CCKBR: variants seen among roughly 807,000 people sequenced by gnomAD.
CCKBR encodes the protein cholecystokinin B receptor.
CCKBR carries 33 observed loss-of-function variants against 34.6 expected under a neutral mutation model. That is an observed-to-expected ratio of 0.95 (90% CI 0.72 to 1.27). CCKBR has a LOEUF of 1.27. Among genes scored for constraint, CCKBR ranks in the 50% most tolerant of loss-of-function variants. The pLI is 0.00. For synonymous variants in CCKBR, 269 were observed against 267.5 expected (o/e 1.01, Z -0.06); for missense variants, 652 against 617.4 (o/e 1.06, Z -0.59).
At chr11:6,261,811 G>T (rs1229405932) in intron 1 of CCKBR, among the ~76,000 whole-genome samples, 1 of 152,118 alleles carries the variant, frequency 6.6e-6, no homozygotes, top group African/African-American at 2.4e-5. Context: ...AGAACGGATT[G>T]GAAGACATAA....
chr11:6,270,011 G>C (rs574726739), intron 2 of CCKBR, 77 bp from the exon 3 acceptor site: 1 of 1,590,088 alleles, frequency 6.3e-7, no homozygotes, highest in East Asian at 2.2e-5. Flanking sequence ...GGCAGGGAGG[G>C]GTGTGAGGAA....
Position 6,264,498 on chromosome 11 carries a change from A to G in CCKBR, c.151+4419A>G, listed in dbSNP as rs1427978101. 2.7e-5 allele frequency: 19 copies of G among 697,050 alleles called. No homozygotes were observed. The East Asian group carries it at 4.1e-4, about 15-fold the overall frequency. 43.2% of individuals were successfully genotyped at this position (697,050 alleles called of 1,614,324 possible). On this transcript the variant is annotated intron_variant, in intron 1 of 4. Transcript: ENST00000334619. ...GACAGAACAAATACAGATCTTCTAA[A>G]CACCAGGAGAAGAACTGAACTGTCC...
At chr11:6,261,867 T>C (rs1848138936) in intron 1 of CCKBR, among the ~76,000 whole-genome samples, 1 of 152,150 alleles carries the variant, frequency 6.6e-6, no homozygotes. Flanking sequence ...TATTACACTG[T>C]TCTGGGTGAA....
rs76412645 is a variant in CCKBR, at chr11:6,270,073, T to C, written c.404-15T>C. 445 of 1,595,540 alleles carry C rather than the reference T, an allele frequency of 2.8e-4. 1 individual carries two copies. The highest frequency in any genetic ancestry group is 3.6e-4 in the Non-Finnish European group (415 of 1,167,838). On this transcript the variant is annotated splice_polypyrimidine_tract_variant and intron_variant, in intron 2 of 4. Transcript: ENST00000334619. The stretch of plus-strand genomic sequence containing the variant: ...GTTTCCTAGGTGACTCCTTCCTTTC[T>C]CTTCCCTTGTTTAGGGGTGTCTGTG...
chr11:6,264,644 C>T (rs1848184308), intron 1 of CCKBR: 1 of 664,136 alleles, frequency 1.5e-6, no homozygotes, highest in Non-Finnish European at 2.7e-6. Context: ...GTGCTATCTC[C>T]CATCCTTCTA....
rs145658504 is a variant in CCKBR, at chr11:6,269,768, G to A, written c.251G>A (p.Arg84His). The A allele has an allele frequency of 5.2e-5, 84 of 1,614,022 alleles. No individual in the cohort carries two copies. The highest frequency in any genetic ancestry group is 2.0e-4 in the African/African-American group (15 of 74,896). ...LIIVVLGLSRRLRTVTNAFLL... is the reference protein window; with the variant it reads ...LIIVVLGLSRHLRTVTNAFLL... ...ATCGTGGTCCTGGGACTGAGCCGCC[G>A]CCTGAGGACTGTCACCAATGCCTTC... The change falls in exon 2 of 5, where the codon CGC (arginine) becomes CAC (histidine). Residue 84 changes from arginine to histidine, a missense_variant. By Grantham distance (29) the Arg-to-His change is conservative (BLOSUM62 0). Coordinates refer to ENST00000334619, the MANE Select transcript of CCKBR (RefSeq NM_176875.4).
At chr11:6,262,050 A>G (rs1275509346) in intron 1 of CCKBR, among the ~76,000 whole-genome samples, 1 of 152,266 alleles carries the variant, frequency 6.6e-6, no homozygotes. Flanking sequence ...TTGGTGCTAT[A>G]GCAATTGTAT....
intron 1 of CCKBR, chr11:6,264,724 TACACACAC>T: frequency 2.3e-6 from 1 of 426,582 alleles, no homozygotes; most frequent in Non-Finnish European, 4.2e-6. Context: ...CACACATCAA[TACACACAC>T]ACACACACAC....
chr11:6,262,682 AAGAAAGAGAGAGAG>A (rs1564885136), intron 1 of CCKBR, among the ~76,000 whole-genome samples: 1 of 89,976 alleles, frequency 1.1e-5, no homozygotes, highest in Non-Finnish European at 2.1e-5. Context: ...CTGGTAGGCA[AAGAAAGAGAGAGAG>A]AGAGAGAGAG....
At chr11:6,269,588 G>T in intron 1 of CCKBR, 81 bp from the exon 2 acceptor site, 1 of 1,521,420 alleles carries the variant, frequency 6.6e-7, no homozygotes, top group Non-Finnish European at 8.9e-7. Flanking sequence ...GGTAGTGAGG[G>T]TTGGGGATAA....
In CCKBR at chr11:6,260,058, A is replaced by G; in HGVS notation, c.130A>G (p.Ile44Val). 1 of 1,594,708 alleles carries G rather than the reference A, an allele frequency of 6.3e-7. No individual in the cohort carries two copies. The change falls in exon 1 of 5, where the codon ATT becomes GTT. Residue 44 changes from isoleucine to valine, a missense_variant. Ile to Val is a conservative substitution (Grantham distance 29, BLOSUM62 3). Transcript: ENST00000334619. ...CAACCTCAGCTGCGAGCCCCCTCGC[A>G]TTCGCGGAGCCGGGACACGAGGTGG... ...VGNLSCEPPRIRGAGTRELEL... is the reference protein window; with the variant it reads ...VGNLSCEPPRVRGAGTRELEL...
intron 1 of CCKBR, chr11:6,264,737 A>ACACACACACACACACACACACACG (rs6144195): frequency 2.0e-6 from 1 of 503,202 alleles, no homozygotes; most frequent in African/African-American, 2.0e-5. Context: ...ACACACACAC[A>ACACACACACACACACACACACACG]CACACACGCA....
Position 6,270,082 on chromosome 11 carries a change from G to T in CCKBR, c.404-6G>T. ...GTGACTCCTTCCTTTCTCTTCCCTT[G>T]TTTAGGGGTGTCTGTGAGTGTGTCC... is the stretch of plus-strand genomic sequence containing the variant. On this transcript the variant is annotated splice_region_variant and splice_polypyrimidine_tract_variant and intron_variant, in intron 2 of 4. Transcript: ENST00000334619. The T allele has an allele frequency of 6.2e-7, 1 of 1,600,716 alleles. No homozygotes were observed. Among genetic ancestry groups the T allele is most frequent in the Non-Finnish European group, 8.5e-7 (1 of 1,170,972 alleles).
At position 6,259,988 on chromosome 11, in the gene CCKBR, C is replaced by T. The variant is rs1848103565; in HGVS notation, c.60C>T (p.Ser20=). The change falls in exon 1 of 5, where the codon TCC becomes TCT. Residue 20 remains serine, a synonymous_variant. Coordinates refer to ENST00000334619, the MANE Select transcript of CCKBR (RefSeq NM_176875.4). ...GAACCGGACCCGGGCCGGGGGCTTC[C>T]CTGTGCCGCCCGGGGGCGCCTCTCC... ...VQGTGPGPGA[S]LCRPGAPLLN... The T allele has an allele frequency of 6.3e-7, 1 of 1,579,672 alleles. No individual in the cohort carries two copies. Among genetic ancestry groups the T allele is most frequent in the African/African-American group, 1.4e-5 (1 of 72,222 alleles).
intron 1 of CCKBR, among the ~76,000 whole-genome samples, chr11:6,266,715 A>G (rs190736766): frequency 2.6e-5 from 4 of 152,284 alleles, no homozygotes; most frequent in African/African-American, 9.6e-5. Context: ...GATGCCTACA[A>G]TTTCTAAATA....
In CCKBR at chr11:6,271,323, T is replaced by C; in HGVS notation, c.1124T>C (p.Ile375Thr). 6.2e-7 allele frequency: 1 copy of C among 1,614,216 alleles called. No individual in the cohort carries two copies. Among genetic ancestry groups the C allele is most frequent in the Non-Finnish European group, 8.5e-7 (1 of 1,180,026 alleles). The change falls in exon 5 of 5, where the codon ATT becomes ACT. Residue 375 changes from isoleucine to threonine, a missense_variant. By Grantham distance (89) the Ile-to-Thr change is moderately conservative. Transcript: ENST00000334619. ...RALSGAPISFIHLLSYASACV... is the reference protein window; with the variant it reads ...RALSGAPISFTHLLSYASACV... ...CTCTCGGGTGCTCCTATCTCCTTCA[T>C]TCACTTGCTGAGCTACGCCTCGGCC...
In CCKBR at chr11:6,270,641, T is replaced by G. The variant is rs778094185; in HGVS notation, c.654-5T>G. The stretch of plus-strand genomic sequence containing the variant: ...ACCCGAGTGATCTGTCTGTGTTGCC[T>G]TCAGGTCCGTACTGCTGCTTCTGCT... On this transcript the variant is annotated splice_region_variant and splice_polypyrimidine_tract_variant and intron_variant, in intron 3 of 4. Transcript: ENST00000334619. The G allele has an allele frequency of 2.5e-6, 4 of 1,596,968 alleles. No homozygotes were observed. The highest frequency in any genetic ancestry group is 2.6e-6 in the Non-Finnish European group (3 of 1,168,130).
chr11:6,270,788 C>A lies in CCKBR; in HGVS notation c.796C>A (p.Gln266Lys). ...CGACAGCCAAAGCAGGGTCCGAAAC[C>A]AAGGCGGGCTGCCAGGTGGGGCTGG... ...DSDSQSRVRN[Q>K]GGLPGAVHQN... Residue 266 changes from glutamine (Q) to lysine (K), a missense_variant, in exon 4 of 5, where the codon CAA (glutamine) becomes AAA (lysine). Gln to Lys is a moderately conservative substitution (Grantham distance 53). Transcript: ENST00000334619. The A allele has an allele frequency of 2.5e-6, 4 of 1,614,184 alleles. No homozygotes were observed. Among genetic ancestry groups the A allele is most frequent in the Non-Finnish European group, 3.4e-6 (4 of 1,180,034 alleles).
intron 1 of CCKBR, among the ~76,000 whole-genome samples, chr11:6,262,714 G>GAA (rs1487839299): frequency 5.7e-5 from 8 of 141,338 alleles, no homozygotes; most frequent in African/African-American, 1.5e-4. Context: ...GAGAGAGAGA[G>GAA]AGAGAGAGAG....
Sources: allele counts gnomAD v4.1 joint callset (sites outside exome capture counted in the v4.1 genomes callset), GRCh38; gene constraint gnomAD v4.1.1; transcripts MANE v1.5; gene names NCBI Gene and HGNC (gene_info 2026-07-23, HGNC 2026-07-21).